Variants in EFCAB6 observed in about 807,000 individuals in gnomAD.
EFCAB6 encodes EF-hand calcium binding domain 6, also known as EF-hand calcium-binding domain-containing protein 6.
In EFCAB6, 156 loss-of-function variants were observed where a neutral mutation model predicts 169.8. That is an observed-to-expected ratio of 0.92 (90% CI 0.81 to 1.05). The LOEUF (loss-of-function observed/expected upper bound fraction) is 1.05, where lower values mean the gene tolerates loss of function less well. Ranked by LOEUF, EFCAB6 falls within the 50% of genes least tolerant of loss-of-function variation. The probability of loss-of-function intolerance (pLI) is 0.00; values close to 1 mark genes in which losing one functional copy is unlikely to be tolerated. For missense variants in EFCAB6, 1,800 were observed against 1,829.1 expected (o/e 0.98, Z 0.29); for synonymous variants, 698 against 676.4 (o/e 1.03, Z -0.50).
At chr22:43,696,478 C>A (rs2058579669) in intron 10 of EFCAB6, among the ~76,000 whole-genome samples, 1 of 152,172 alleles carries the variant, frequency 6.6e-6, no homozygotes, top group Non-Finnish European at 1.5e-5. Flanking sequence ...CATGTCCACA[C>A]AAAGACTTGT....
At chr22:43,697,316 T>C (rs1260675816) in intron 10 of EFCAB6, among the ~76,000 whole-genome samples, 5 of 152,190 alleles carry the variant, frequency 3.3e-5, no homozygotes, top group Non-Finnish European at 1.5e-5. Flanking sequence ...GTTTCTTTAA[T>C]GACATGAAAA....
chr22:43,668,986 G>C lies in EFCAB6; in HGVS notation c.1700C>G (p.Ala567Gly). 6.2e-7 allele frequency: 1 copy of C among 1,612,494 alleles called. No individual in the cohort carries two copies. The highest frequency in any genetic ancestry group is 8.5e-7 in the Non-Finnish European group (1 of 1,179,252). Residue 567 changes from alanine (A) to glycine (G), a missense_variant, in exon 16 of 32, where the codon GCA (alanine) becomes GGA (glycine). Coordinates refer to ENST00000262726, the MANE Select transcript of EFCAB6 (RefSeq NM_022785.4). ...SGRILYKKLLACIGIDGPPTV... is the reference protein window; with the variant it reads ...SGRILYKKLLGCIGIDGPPTV... ...GGGTGGGCCATCAATTCCTATGCAT[G>C]CCAAAAGTTTCTTGTAAAGGATTCT... is the stretch of plus-strand genomic sequence containing the variant.
chr22:43,731,826 T>C lies in EFCAB6; in HGVS notation c.645-15A>G, dbSNP rs1383302810. 2 of 1,498,444 alleles carry C rather than the reference T, an allele frequency of 1.3e-6. No homozygotes were observed. Among genetic ancestry groups the C allele is most frequent in the South Asian group, 2.6e-5 (2 of 75,896 alleles). The allele number at this position is 1,498,444 out of a possible 1,614,324, so 92.8% of individuals were successfully genotyped here. ...GTTTCGAAAACCTAAAATACAAATG[T>C]TCTTTAGTAATGAGAAATTATGAAT... On this transcript the variant is annotated splice_polypyrimidine_tract_variant and intron_variant, in intron 7 of 31. Transcript: ENST00000262726.
chr22:43,563,290 TG>T (rs892982911), intron 26 of EFCAB6, among the ~76,000 whole-genome samples: 1 of 152,174 alleles, frequency 6.6e-6, no homozygotes, highest in African/African-American at 2.4e-5. Flanking sequence ...CTGTCCTCAC[TG>T]GGGTAAAGTG....
chr22:43,576,677 A>G (rs555283480), intron 25 of EFCAB6, among the ~76,000 whole-genome samples, 189 bp from the exon 26 acceptor site: 3 of 152,190 alleles, frequency 2.0e-5, no homozygotes, highest in Non-Finnish European at 4.4e-5. Context: ...TGAACGCAGT[A>G]TGGGAGCTTA....
chr22:43,724,450 C>T (rs1377643231), intron 8 of EFCAB6, among the ~76,000 whole-genome samples: 2 of 150,582 alleles, frequency 1.3e-5, no homozygotes, highest in Non-Finnish European at 2.9e-5. Flanking sequence ...TTACTGCAAC[C>T]TCTGCCTCCT....
chr22:43,689,629 CAAATG>C (rs2058334066), intron 10 of EFCAB6, among the ~76,000 whole-genome samples: 1 of 152,184 alleles, frequency 6.6e-6, no homozygotes, highest in Non-Finnish European at 1.5e-5. Context: ...CAGTGCCAGT[CAAATG>C]AGAACTTTCA....
intron 19 of EFCAB6, among the ~76,000 whole-genome samples, chr22:43,629,439 C>T (rs898145931): frequency 1.3e-5 from 2 of 152,188 alleles, no homozygotes; most frequent in African/African-American, 4.8e-5. Context: ...TCAGAACACA[C>T]AAGGCCCTGT....
rs2047018771 is a variant in EFCAB6 at position 43,530,909 on chromosome 22, G to A, written c.4289C>T (p.Pro1430Leu). ...SFYSALLRIQ[P>L]KIVHCWRPMR... is the part of the protein sequence containing the mutation. ...TGGCCTCCAGCAGTGCACAATTTTG[G>A]GCTGAATACGCAGCAGAGCAGAGTA... The change falls in exon 31 of 32, where the codon CCC (proline) becomes CTC (leucine). Residue 1430 changes from proline to leucine, a missense_variant. Transcript: ENST00000262726. 4 of 1,614,220 alleles carry A rather than the reference G, an allele frequency of 2.5e-6. No homozygotes were observed. Among genetic ancestry groups the A allele is most frequent in the Non-Finnish European group, 3.4e-6 (4 of 1,180,050 alleles).
At chr22:43,530,692 C>A in intron 31 of EFCAB6, 123 bp downstream of exon 31, 2 of 1,521,456 alleles carry the variant, frequency 1.3e-6, no homozygotes, top group South Asian at 1.3e-5. Context: ...GAAGTGAGAT[C>A]TGAAGCAGCC....
At chr22:43,750,966 A>G (rs2060736437) in intron 6 of EFCAB6, among the ~76,000 whole-genome samples, 1 of 152,180 alleles carries the variant, frequency 6.6e-6, no homozygotes. Flanking sequence ...CCTGTGTCAG[A>G]TCACTCAGTG....
At chr22:43,531,201 A>G (rs1359016999) in intron 30 of EFCAB6, among the ~76,000 whole-genome samples, 1 of 152,112 alleles carries the variant, frequency 6.6e-6, no homozygotes, top group African/African-American at 2.4e-5. Flanking sequence ...CATCTCATTT[A>G]CACCTCCCCA....
intron 2 of EFCAB6, among the ~76,000 whole-genome samples, chr22:43,782,615 G>A (rs987321205): frequency 6.6e-6 from 1 of 152,132 alleles, no homozygotes; most frequent in Non-Finnish European, 1.5e-5. Context: ...CATTTCTTTG[G>A]TAGGCAGTAA....
intron 26 of EFCAB6, among the ~76,000 whole-genome samples, chr22:43,574,015 G>A (rs368512032): frequency 1.3e-5 from 2 of 151,974 alleles, no homozygotes; most frequent in Non-Finnish European, 2.9e-5. Flanking sequence ...TCAATAAAAC[G>A]ATTCCTATCC....
At chr22:43,749,983 A>G (rs984530979) in intron 6 of EFCAB6, among the ~76,000 whole-genome samples, 6 of 152,192 alleles carry the variant, frequency 3.9e-5, no homozygotes, top group Non-Finnish European at 8.8e-5. Flanking sequence ...GATCACTCAG[A>G]GAGTCCGTGT....
chr22:43,713,523 G>C (rs1479211727), intron 9 of EFCAB6, among the ~76,000 whole-genome samples: 1 of 152,166 alleles, frequency 6.6e-6, no homozygotes, highest in Non-Finnish European at 1.5e-5. Flanking sequence ...GTGCTCACGT[G>C]CTTCTGGTGG....
At chr22:43,695,292 T>TATTA (rs1444069204) in intron 10 of EFCAB6, among the ~76,000 whole-genome samples, 2 of 152,054 alleles carry the variant, frequency 1.3e-5, no homozygotes, top group African/African-American at 4.8e-5. Flanking sequence ...AAATTTTAGA[T>TATTA]ATTATATGCA....
In EFCAB6 at chr22:43,782,578, C is replaced by A. The variant is rs137863519; in HGVS notation, c.-7-253G>T. ...TAAAGAGACTTTTGGACAGAAAAAT[C>A]CACCTACATCTTGACTATCAGTGAC... On this transcript the variant is annotated intron_variant, in intron 2 of 31. Coordinates refer to ENST00000262726, the MANE Select transcript of EFCAB6 (RefSeq NM_022785.4). 3.9e-5 allele frequency among the ~76,000 whole-genome samples: 6 copies of A among 152,248 alleles called. No homozygotes were observed. In the East Asian group the frequency reaches 1.2e-3, roughly 29 times the overall value.
At chr22:43,803,138 C>T (rs758113647) in intron 2 of EFCAB6, among the ~76,000 whole-genome samples, 60 of 152,220 alleles carry the variant, frequency 3.9e-4, no homozygotes, top group Middle Eastern at 3.4e-3. Flanking sequence ...TCCCTTAAAC[C>T]GAGATACCTG....
Sources: allele counts gnomAD v4.1 joint callset (sites outside exome capture counted in the v4.1 genomes callset), GRCh38; gene constraint gnomAD v4.1.1; transcripts MANE v1.5; gene names NCBI Gene and HGNC (gene_info 2026-07-23, HGNC 2026-07-21).